The following TTN variants were observed in gnomAD, a reference collection of about 807,000 sequenced individuals.
TTN encodes titin, also known as connectin.
A neutral mutation model predicts 3,223.0 loss-of-function variants in TTN; 1,525 were observed. The observed-to-expected ratio is 0.47, with a 90% CI of 0.45 to 0.49. The LOEUF is 0.49. TTN is among the 20% of genes least tolerant of loss of function. TTN has a pLI of 0.00. For synonymous variants in TTN, 14,094 were observed against 15,161.0 expected, an observed-to-expected ratio of 0.93 and a Z score of 5.17; for missense variants, 40,786 against 43,424.0, an observed-to-expected ratio of 0.94 and a Z score of 5.40.
In TTN at chr2:178,679,938, T is replaced by C. The variant is rs1553830370; in HGVS notation, c.33536A>G (p.Glu11179Gly). The C allele has an allele frequency of 2.5e-6, 4 of 1,613,162 alleles. No homozygotes were observed. The highest frequency in any genetic ancestry group is 3.3e-5 in the Admixed American group (2 of 59,894). Residue 11179 changes from glutamate to glycine, a missense_variant, in exon 140 of 363, where the codon GAG becomes GGG. By Grantham distance (98) the Glu-to-Gly change is moderately conservative. Coordinates refer to ENST00000589042, the MANE Select transcript of TTN (RefSeq NM_001267550.2). ...CACCACTTCTTCCTCAGTTATGAAC[T>C]CCTCTTCTTCATGAATGTACTCTTC... The part of the protein sequence containing the change: ...EEEEYIHEEE[E>G]FITEEEVVPV...
rs895018646 is a variant in TTN at position 178,565,873 on chromosome 2, A to G, written c.80259T>C (p.Tyr26753=). The G allele has an allele frequency of 6.2e-7, 1 of 1,613,548 alleles. No homozygotes were observed. Among genetic ancestry groups the G allele is most frequent in the African/African-American group, 1.3e-5 (1 of 74,914 alleles). The stretch of plus-strand genomic sequence containing the variant: ...CATTTTCAGCCATGACTCTGAAGTA[A>G]TAAATGGCTCCTTCTGTAAGGTTTT... ...KVENLTEGAI[Y]YFRVMAENEF... is the part of the protein sequence containing the mutation. Residue 26753 remains tyrosine (Y), a synonymous_variant, in exon 326 of 363, where the codon TAT becomes TAC. Transcript: ENST00000589042.
chr2:178,784,445 C>T, intron 15 of TTN, 94 bp from the exon 16 acceptor site: 1 of 1,492,126 alleles, frequency 6.7e-7, no homozygotes, highest in Non-Finnish European at 9.1e-7. Context: ...TCTATAAGGT[C>T]TGTTCTTTAA....
intron 107 of TTN, 58 bp from the exon 108 acceptor site, chr2:178,702,303 T>A: frequency 6.2e-7 from 1 of 1,609,458 alleles, no homozygotes; most frequent in South Asian, 1.1e-5. Flanking sequence ...AACACTTCTT[T>A]ACTTCAATAT....
At position 178,566,923 on chromosome 2, in the gene TTN, C is replaced by T; in HGVS notation, c.79209G>A (p.Met26403Ile). Residue 26403 changes from methionine (M) to isoleucine (I), a missense_variant, in exon 326 of 363, where the codon ATG becomes ATA. Physicochemically the swap from Met to Ile is conservative, Grantham distance 10. Coordinates refer to ENST00000589042, the MANE Select transcript of TTN (RefSeq NM_001267550.2). ...LEVTNIAKDS[M>I]TVCWNRPDSD... ...TATCTGGACGGTTCCAACAGACGGT[C>T]ATGGAGTCTTTGGCAATATTTGTGA... 6.2e-7 allele frequency: 1 copy of T among 1,613,630 alleles called. No homozygotes were observed. The highest frequency in any genetic ancestry group is 8.5e-7 in the Non-Finnish European group (1 of 1,179,686).
chr2:178,539,123 C>G lies in TTN; in HGVS notation c.98812G>C (p.Glu32938Gln), dbSNP rs1170456580. ...CTGACCCACTTGTCAGTGGATGTCT[C>G]TTTGCGTTCGATGTAGTAGCCTGTG... is the stretch of plus-strand genomic sequence containing the variant. ...RVTGYYIERKETSTDKWVRHN... is the reference protein window; with the variant it reads ...RVTGYYIERKQTSTDKWVRHN... The change falls in exon 353 of 363, where the codon GAG (glutamate) becomes CAG (glutamine). Residue 32938 changes from glutamate to glutamine, a missense_variant. Glu to Gln is a conservative substitution (Grantham distance 29, BLOSUM62 2). Transcript: ENST00000589042. The G allele has an allele frequency of 6.2e-7, 1 of 1,613,764 alleles. No homozygotes were observed. Among genetic ancestry groups the G allele is most frequent in the South Asian group, 1.1e-5 (1 of 91,088 alleles).
Position 178,649,577 on chromosome 2 carries a change from T to A in TTN, c.39950A>T (p.Lys13317Met). The change falls in exon 212 of 363, where the codon AAG becomes ATG. Residue 13317 changes from lysine to methionine, a missense_variant. By Grantham distance (95) the Lys-to-Met change is moderately conservative (BLOSUM62 -1). Coordinates refer to ENST00000589042, the MANE Select transcript of TTN (RefSeq NM_001267550.2). ...ACCTTTAGCTGCTGGTGTTTCTGGC[T>A]TCTTAACAGTTGGGACCTTCTTCAC... ...VPVKKVPTVK[K>M]PETPAAKVPE... 1 of 1,550,080 alleles carries A rather than the reference T, an allele frequency of 6.5e-7. No homozygotes were observed. The highest frequency in any genetic ancestry group is 2.4e-5 in the East Asian group (1 of 40,866).
In TTN at chr2:178,671,105, C is replaced by G. The variant is rs1060500577; in HGVS notation, c.35293G>C (p.Glu11765Gln). The G allele has an allele frequency of 4.4e-6, 7 of 1,605,736 alleles. No individual in the cohort carries two copies. Among genetic ancestry groups the G allele is most frequent in the Middle Eastern group, 1.6e-4 (1 of 6,062 alleles). The change falls in exon 156 of 363, where the codon GAG becomes CAG. Residue 11765 changes from glutamate to glutamine, a missense_variant. Coordinates refer to ENST00000589042, the MANE Select transcript of TTN (RefSeq NM_001267550.2). ...KPPTKVVPRK[E>Q]PPAKVPEVPK... is the part of the protein sequence containing the mutation. ...AAGAAGATACCTTTAGCTGGTGGCT[C>G]TTTTCGAGGAACAACTTTAGTGGGC...
intron 30 of TTN, 47 bp from the exon 31 acceptor site, chr2:178,774,157 A>G (rs1197767879): frequency 6.2e-7 from 1 of 1,614,108 alleles, no homozygotes. Context: ...TTTTTTATCA[A>G]TAAACCATAA....
intron 89 of TTN, 51 bp downstream of exon 89, chr2:178,715,442 A>G: frequency 6.4e-7 from 1 of 1,559,884 alleles, no homozygotes; most frequent in Non-Finnish European, 8.7e-7. Context: ...TTAAGAGGAC[A>G]ATTAAAGAGG....
Position 178,704,134 on chromosome 2 carries a change from G to A in TTN, c.30223+13C>T. On this transcript the variant is annotated intron_variant, in intron 106 of 362. Transcript: ENST00000589042. ...ATGCTGTACCCACAAGGACTCCATA[G>A]TGTTTCACGCACCTTCGATTCTGAG... 6.2e-7 allele frequency: 1 copy of A among 1,612,676 alleles called. No homozygotes were observed. The highest frequency in any genetic ancestry group is 2.2e-5 in the East Asian group (1 of 44,884).
In TTN at chr2:178,601,400, A is replaced by G. The variant is rs1397511003; in HGVS notation, c.55597T>C (p.Cys18533Arg). 5.6e-6 allele frequency: 9 copies of G among 1,612,686 alleles called. No individual in the cohort carries two copies. The highest frequency in any genetic ancestry group is 7.6e-6 in the Non-Finnish European group (9 of 1,179,308). ...GGCACTACAAATGTGGTGCTTCCAC[A>G]GTCTGGATTGACTTTGGTCCAGGCT... ...GKAWTKVNPD[C>R]GSTTFVVPDL... is the part of the protein sequence containing the mutation. Residue 18533 changes from cysteine (C) to arginine (R), a missense_variant, in exon 287 of 363, where the codon TGT (cysteine) becomes CGT (arginine). Coordinates refer to ENST00000589042, the MANE Select transcript of TTN (RefSeq NM_001267550.2).
In TTN at chr2:178,646,516, A is replaced by G. The variant is rs914232072; in HGVS notation, c.40266T>C (p.Pro13422=). ...CTGGTATTTCTTCAGGCTGTGGTTC[A>G]GGTTCGGGCTCTTCAGGTTTAATAT... ...EKYIKPEEPE[P]EPQPEEIPVK... The change falls in exon 216 of 363, where the codon CCT becomes CCC. Residue 13422 remains proline, a synonymous_variant. Coordinates refer to ENST00000589042, the MANE Select transcript of TTN (RefSeq NM_001267550.2). 6.5e-6 allele frequency: 10 copies of G among 1,547,930 alleles called. No homozygotes were observed. The African/African-American group carries it at 6.8e-5, about 11-fold the overall frequency.
Position 178,564,757 on chromosome 2 carries a change from G to A in TTN, c.81375C>T (p.Thr27125=), listed in dbSNP as rs1705054731. The A allele has an allele frequency of 6.2e-6, 10 of 1,612,252 alleles. No individual in the cohort carries two copies. Among genetic ancestry groups the A allele is most frequent in the Non-Finnish European group, 6.8e-6 (8 of 1,179,148 alleles). The part of the protein sequence containing the change: ...NSILWVKLNK[T]PIQDTKFKTT... Reference sequence around the variant, plus strand: ...TTTTGAATTTGGTGTCCTGAATGGGGGTCTTATTTAACTTGACCCATAAAA... The same window carrying A: ...TTTTGAATTTGGTGTCCTGAATGGGAGTCTTATTTAACTTGACCCATAAAA... The change falls in exon 326 of 363, where the codon ACC becomes ACT. Residue 27125 remains threonine, a synonymous_variant. Transcript: ENST00000589042.
chr2:178,667,009 A>T, intron 162 of TTN, 108 bp from the exon 163 acceptor site: 2 of 969,180 alleles, frequency 2.1e-6, no homozygotes, highest in Non-Finnish European at 1.5e-6. Flanking sequence ...TCTTTATGTT[A>T]GAAATGTTAT....
Position 178,704,158 on chromosome 2 carries a change from A to C in TTN, c.30212T>G (p.Leu10071Arg), listed in dbSNP as rs879001616. 2 of 1,613,788 alleles carry C rather than the reference A, an allele frequency of 1.2e-6. No homozygotes were observed. The change falls in exon 106 of 363, where the codon CTC (leucine) becomes CGC (arginine). Residue 10071 changes from leucine (L) to arginine (R), a missense_variant. Leu to Arg is a moderately radical substitution (Grantham distance 102). Coordinates refer to ENST00000589042, the MANE Select transcript of TTN (RefSeq NM_001267550.2). ...AGTGTTTCACGCACCTTCGATTCTG[A>C]GTTCTGCTGAAGTTTCAAGGTCTTC... The part of the protein sequence containing the change: ...KYEDLETSAE[L>R]RIEAEPIQFT...
Position 178,768,808 on chromosome 2 carries a change from A to G in TTN, c.9028T>C (p.Ser3010Pro). The G allele has an allele frequency of 6.2e-7, 1 of 1,614,098 alleles. No individual in the cohort carries two copies. Among genetic ancestry groups the G allele is most frequent in the Non-Finnish European group, 8.5e-7 (1 of 1,179,998 alleles). ...GTTCTCATCTGGCACTTGTCAGTTG[A>G]TTTGATTTCCACACCATTCTTTAAC... is the stretch of plus-strand genomic sequence containing the variant. ...KWLKNGVEIKSTDKCQMRTKK... is the reference protein window; with the variant it reads ...KWLKNGVEIKPTDKCQMRTKK... The change falls in exon 38 of 363, where the codon TCA becomes CCA. Residue 3010 changes from serine to proline, a missense_variant. Transcript: ENST00000589042.
In TTN at chr2:178,554,636, C is replaced by T. The variant is rs1244032310; in HGVS notation, c.88711G>A (p.Val29571Met). 6.2e-7 allele frequency: 1 copy of T among 1,613,774 alleles called. No individual in the cohort carries two copies. Among genetic ancestry groups the T allele is most frequent in the African/African-American group, 1.3e-5 (1 of 74,908 alleles). ...ACGCGGCTTGTCTCACGCTTTTCCA[C>T]AATGTAGTGAGTGATTTTTGCACCA... ...DGGAKITHYI[V>M]EKRETSRVVW... is the part of the protein sequence containing the mutation. The change falls in exon 332 of 363, where the codon GTG (valine) becomes ATG (methionine). Residue 29571 changes from valine to methionine, a missense_variant. Physicochemically the swap from Val to Met is conservative, Grantham distance 21 (BLOSUM62 1). Transcript: ENST00000589042.
At chr2:178,743,143 C>G (rs1254893369) in intron 47 of TTN, among the ~76,000 whole-genome samples, 1 of 151,990 alleles carries the variant, frequency 6.6e-6, no homozygotes, top group South Asian at 2.1e-4. Flanking sequence ...AATACCCTTA[C>G]TCACTACTAT....
intron 109 of TTN, 126 bp downstream of exon 109, chr2:178,701,914 G>A: frequency 1.9e-6 from 2 of 1,035,564 alleles, no homozygotes; most frequent in Non-Finnish European, 2.8e-6. Context: ...CTGCATAACA[G>A]TTTTATTGAA....
Sources: allele counts gnomAD v4.1 joint callset (sites outside exome capture counted in the v4.1 genomes callset), GRCh38; gene constraint gnomAD v4.1.1; transcripts MANE v1.5; gene names NCBI Gene and HGNC (gene_info 2026-07-23, HGNC 2026-07-21).